BAX: variants seen among roughly 807,000 people sequenced by gnomAD.
BAX encodes the protein apoptosis regulator BAX.
In BAX, 21 loss-of-function variants were observed where a neutral mutation model predicts 26.8. The ratio of observed to expected loss-of-function variants is 0.78; its 90% CI spans 0.56 to 1.13. The LOEUF is 1.13. BAX is among the 50% of genes most tolerant of loss of function. BAX has a pLI of 0.00. For synonymous variants in BAX, 110 were observed against 101.8 expected, an observed-to-expected ratio of 1.08 and a Z score of -0.49; for missense variants, 236 against 254.6, an observed-to-expected ratio of 0.93 and a Z score of 0.50.
In BAX at chr19:48,961,578, C is replaced by T; in HGVS notation, c.521C>T (p.Thr174Ile). 1 of 1,612,014 alleles carries T rather than the reference C, an allele frequency of 6.2e-7. No individual in the cohort carries two copies. Among genetic ancestry groups the T allele is most frequent in the Non-Finnish European group, 8.5e-7 (1 of 1,179,166 alleles). ...GGGACGCCCACGTGGCAGACCGTGACCATCTTTGTGGCGGGAGTGCTCACC... is the reference window on the plus strand; with the variant it reads ...GGGACGCCCACGTGGCAGACCGTGATCATCTTTGTGGCGGGAGTGCTCACC... The part of the protein sequence containing the change: ...YFGTPTWQTV[T>I]IFVAGVLTAS... Residue 174 changes from threonine (T) to isoleucine (I), a missense_variant, in exon 6 of 6, where the codon ACC becomes ATC. Coordinates refer to ENST00000345358, the MANE Select transcript of BAX (RefSeq NM_138761.4).
chr19:48,956,796 T>C (rs11668008), intron 4 of BAX, among the ~76,000 whole-genome samples: 129,846 of 145,772 alleles, frequency 0.89, 57,925 homozygotes, highest in East Asian at 0.95. Context: ...GCTGGGATTA[T>C]GGGTGTGCAC....
chr19:48,955,455 T>C (rs2038085959), intron 1 of BAX, 93 bp from the exon 2 acceptor site: 1 of 1,429,862 alleles, frequency 7.0e-7, no homozygotes, highest in African/African-American at 1.4e-5. Context: ...GGTCCCCAGC[T>C]CTGTCCTCCC....
chr19:48,960,362 T>A, intron 4 of BAX: 1 of 346,980 alleles, frequency 2.9e-6, no homozygotes, highest in South Asian at 2.0e-5. Context: ...CCCAGCTAAT[T>A]TTTGTATTTA....
At chr19:48,961,011 G>A in intron 5 of BAX, 97 bp downstream of exon 5, 5 of 1,612,684 alleles carry the variant, frequency 3.1e-6, no homozygotes, top group Non-Finnish European at 3.4e-6. Flanking sequence ...GGGACCCTGG[G>A]CCTTCTGGAG....
At chr19:48,959,418 GTAAGAATTT>G (rs1262194203) in intron 4 of BAX, among the ~76,000 whole-genome samples, 6 of 150,166 alleles carry the variant, frequency 4.0e-5, no homozygotes, top group African/African-American at 1.2e-4. Context: ...GAGCTGAAGG[GTAAGAATTT>G]GCTTCGTCGA....
chr19:48,957,269 T>TC lies in BAX; in HGVS notation c.369+936_369+937insC, dbSNP rs1169714671. ...GCTGGAAAGACTTTTTCTTTTCTTT[T>TC]TTTTTTTTTTTTTTTTTTTTTTTGA... On this transcript the variant is annotated intron_variant, in intron 4 of 5. Coordinates refer to ENST00000345358, the MANE Select transcript of BAX (RefSeq NM_138761.4). 5.3e-5 allele frequency among the ~76,000 whole-genome samples: 6 copies of TC among 112,798 alleles called. No individual in the cohort carries two copies. The South Asian group carries it at 1.4e-3, about 27-fold the overall frequency. The allele number at this position is 112,798 out of a possible 152,430, so 74.0% of individuals were successfully genotyped here.
At chr19:48,959,478 G>A (rs571997853) in intron 4 of BAX, among the ~76,000 whole-genome samples, 1 of 147,088 alleles carries the variant, frequency 6.8e-6, no homozygotes, top group East Asian at 2.0e-4. Flanking sequence ...AAGAAGTCCC[G>A]AGGCAGGAAG....
intron 4 of BAX, 105 bp downstream of exon 4, chr19:48,956,438 G>A (rs2038137552): frequency 1.6e-6 from 2 of 1,278,472 alleles, no homozygotes; most frequent in Admixed American, 3.0e-5. Context: ...GACCACAGAG[G>A]GCATGGAGAG....
chr19:48,961,156 C>A (rs2038344879), intron 5 of BAX: 1 of 1,533,760 alleles, frequency 6.5e-7, no homozygotes, highest in Middle Eastern at 1.7e-4. Context: ...TCACTGTGAC[C>A]TTGACTTGAT....
Position 48,961,728 on chromosome 19 carries a change from T to G in BAX, c.*92T>G. On this transcript the variant is annotated 3_prime_UTR_variant, in exon 6 of 6. Coordinates refer to ENST00000345358, the MANE Select transcript of BAX (RefSeq NM_138761.4). ...GATTGGGGGACGTGGGCATTTTTCT[T>G]ACTTTTGTAATTATTGGGGGGTGTG... is the stretch of plus-strand genomic sequence containing the variant. 2.1e-6 allele frequency: 2 copies of G among 966,830 alleles called. No individual in the cohort carries two copies. The highest frequency in any genetic ancestry group is 1.5e-6 in the Non-Finnish European group (1 of 665,452). 59.9% of individuals were successfully genotyped at this position (966,830 alleles called of 1,614,324 possible).
intron 4 of BAX, among the ~76,000 whole-genome samples, chr19:48,958,617 C>T (rs895110553): frequency 3.3e-5 from 5 of 151,446 alleles, no homozygotes; most frequent in Admixed American, 1.3e-4. Context: ...GATCTCAGCT[C>T]ACTGCAACCT....
At chr19:48,954,998 G>A in intron 1 of BAX, 36 bp downstream of exon 1, 1 of 1,239,934 alleles carries the variant, frequency 8.1e-7, no homozygotes, top group Non-Finnish European at 1.0e-6. Context: ...AGGAGGGCGA[G>A]CCCCCTCGCC....
chr19:48,960,244 C>T lies in BAX; in HGVS notation c.370-566C>T, dbSNP rs1489411010. 13 of 445,450 alleles carry T rather than the reference C, an allele frequency of 2.9e-5. No homozygotes were observed. The East Asian group carries it at 3.0e-4, about 10-fold the overall frequency. The allele number at this position is 445,450 out of a possible 1,614,324, so 27.6% of individuals were successfully genotyped here. On this transcript the variant is annotated intron_variant, in intron 4 of 5. Coordinates refer to ENST00000345358, the MANE Select transcript of BAX (RefSeq NM_138761.4). ...ATTCTTGCTCTATTGTCCAGGCTGGCGTGAAATGGCGTGATCTGGGCTCAC... is the reference window on the plus strand; with the variant it reads ...ATTCTTGCTCTATTGTCCAGGCTGGTGTGAAATGGCGTGATCTGGGCTCAC...
intron 3 of BAX, 148 bp from the exon 4 acceptor site, chr19:48,956,050 C>T (rs1329070112): frequency 3.3e-6 from 4 of 1,212,186 alleles, no homozygotes; most frequent in Admixed American, 2.7e-5. Context: ...GTCTTGTCCC[C>T]TTCCCTTGTC....
chr19:48,957,991 T>C (rs2038204505), intron 4 of BAX, among the ~76,000 whole-genome samples: 1 of 152,008 alleles, frequency 6.6e-6, no homozygotes. Context: ...AAAGAGATCA[T>C]GAGGCACAAG....
intron 1 of BAX, 28 bp from the exon 2 acceptor site, chr19:48,955,520 G>C (rs772446633): frequency 1.2e-6 from 2 of 1,605,124 alleles, no homozygotes; most frequent in South Asian, 2.2e-5. Context: ...AAGAGTCCAG[G>C]TACCTCTTCC....
intron 4 of BAX, among the ~76,000 whole-genome samples, chr19:48,957,298 A>T (rs1448683739): frequency 1.8e-4 from 15 of 83,150 alleles, no homozygotes; most frequent in African/African-American, 6.5e-4. Flanking sequence ...TTTTTGAGAC[A>T]GAGTCTCACT....
rs1470494245 is a variant in BAX, at chr19:48,961,228, AC to A, written c.475-301del. 4.4e-5 allele frequency: 63 copies of A among 1,444,732 alleles called. No homozygotes were observed. In the East Asian group the frequency reaches 1.5e-3, roughly 35 times the overall value. The allele number at this position is 1,444,732 out of a possible 1,614,324, so 89.5% of individuals were successfully genotyped here. A position where few individuals can be genotyped will look rare whatever the true frequency, so the allele number is the denominator to read the frequency against. On this transcript the variant is annotated intron_variant, in intron 5 of 5. Coordinates refer to ENST00000345358, the MANE Select transcript of BAX (RefSeq NM_138761.4). ...CTGGAATTGCTCAAGTTCATTGATG[AC>A]CCTCTGACCCTAGCTCTTTCCTTTT...
intron 5 of BAX, 69 bp downstream of exon 5, chr19:48,960,983 G>T: frequency 6.2e-7 from 1 of 1,608,372 alleles, no homozygotes; most frequent in Non-Finnish European, 8.5e-7. Flanking sequence ...CACCGTCCCT[G>T]CCCCCCGCCA....
Sources: allele counts gnomAD v4.1 joint callset (sites outside exome capture counted in the v4.1 genomes callset), GRCh38; gene constraint gnomAD v4.1.1; transcripts MANE v1.5; gene names NCBI Gene and HGNC (gene_info 2026-07-23, HGNC 2026-07-21).